DOK7: variants seen among roughly 807,000 people sequenced by gnomAD.
The protein encoded by DOK7 is docking protein 7.
Under a neutral mutation model 30.7 loss-of-function variants are expected in DOK7, and 32 were observed. The ratio of observed to expected loss-of-function variants is 1.04; its 90% CI spans 0.79 to 1.40. DOK7 has a LOEUF of 1.40. Ranked by LOEUF, DOK7 falls within the 40% of genes most tolerant of loss-of-function variation. The pLI, the probability that DOK7 is intolerant of heterozygous loss-of-function variation, is 0.00. For missense variants in DOK7, 1,007 were observed against 699.2 expected (o/e 1.44, Z -4.97); for synonymous variants, 447 against 324.1 (o/e 1.38, Z -4.07).
rs1216144763 is a variant in DOK7, at chr4:3,490,068, CCATTCCTTTCTTCACCCCCTCATT to C, written c.772+292_772+315del. On this transcript the variant is annotated intron_variant, in intron 6 of 6. Coordinates refer to ENST00000340083, the MANE Select transcript of DOK7 (RefSeq NM_173660.5). ...CCTACTCATTAATTCCTTCCTCCCC[CCATTCCTTTCTTCACCCCCTCATT>C]CATTCCTTTCTTCACCCCCATTCAT... 4.4e-4 allele frequency among the ~76,000 whole-genome samples: 30 copies of C among 67,540 alleles called. 1 individual carries two copies. The highest frequency in any genetic ancestry group is 1.3e-3 in the Admixed American group (8 of 6,100). The allele number at this position is 67,540 out of a possible 152,430, so 44.3% of individuals were successfully genotyped here.
At chr4:3,487,404 C>A (rs1281074196) in intron 5 of DOK7, among the ~76,000 whole-genome samples, 2 of 152,222 alleles carry the variant, frequency 1.3e-5, no homozygotes, top group South Asian at 4.1e-4. Flanking sequence ...CGGGCGGCAT[C>A]CTCAAGCTCT....
downstream of DOK7, among the ~76,000 whole-genome samples, chr4:3,494,684 G>A (rs1161624501): frequency 5.3e-5 from 8 of 152,062 alleles, no homozygotes; most frequent in Admixed American, 5.2e-4. Context: ...CCCCCGGGCT[G>A]GGATGTGCAT....
intron 5 of DOK7, among the ~76,000 whole-genome samples, chr4:3,486,281 G>A (rs927765034): frequency 6.6e-6 from 1 of 152,244 alleles, no homozygotes. Flanking sequence ...TGGGCACGGT[G>A]GGGCTCCCCA....
At position 3,473,626 on chromosome 4, in the gene DOK7, G is replaced by A. The variant is rs769702844; in HGVS notation, c.321G>A (p.Ala107=). The part of the protein sequence containing the change: ...MCAWDARIRY[A]LGEVHRFHVT... ...CGTGGGATGCCCGGATCCGCTATGCGCTCGGCGAGGGTGAGTGACGGGGGC... is the reference window on the plus strand; with the variant it reads ...CGTGGGATGCCCGGATCCGCTATGCACTCGGCGAGGGTGAGTGACGGGGGC... The change falls in exon 3 of 7, where the codon GCG becomes GCA. Residue 107 remains alanine (A), a synonymous_variant. Transcript: ENST00000340083. The A allele has an allele frequency of 3.6e-5, 57 of 1,572,700 alleles. No homozygotes were observed. Among genetic ancestry groups the A allele is most frequent in the Non-Finnish European group, 4.2e-5 (49 of 1,155,960 alleles).
chr4:3,489,792 T>G lies in DOK7; in HGVS notation c.768T>G (p.Ser256Arg). 6.4e-7 allele frequency: 1 copy of G among 1,573,784 alleles called. No homozygotes were observed. Among genetic ancestry groups the G allele is most frequent in the Non-Finnish European group, 8.6e-7 (1 of 1,159,334 alleles). Residue 256 changes from serine (S) to arginine (R), a missense_variant, in exon 6 of 7, where the codon AGT becomes AGG. Physicochemically the swap from Ser to Arg is moderately radical, Grantham distance 110. Coordinates refer to ENST00000340083, the MANE Select transcript of DOK7 (RefSeq NM_173660.5). ...SLLSHAGRPG[S>R]GGDDRSLSSS... ...TCTCACATGCGGGCAGGCCGGGCAG[T>G]GGAGGTAGGGCCGGGGGCTGACCTG...
At chr4:3,500,576 G>T (rs2071700) in intron 7 of DOK7, 4 of 1,507,040 alleles carry the variant, frequency 2.7e-6, no homozygotes, top group South Asian at 1.2e-5. Context: ...CATCCCCTGA[G>T]GGTGTCCCCA....
At chr4:3,500,758 T>C (rs2109446945) in exon 8 of DOK7, 2 of 1,528,332 alleles carry the variant, frequency 1.3e-6, no homozygotes, top group Non-Finnish European at 1.7e-6. Flanking sequence ...AGAGTGGGGG[T>C]GCGGCACGCA....
At chr4:3,491,478 T>C (rs1193729168) in intron 6 of DOK7, among the ~76,000 whole-genome samples, 2 of 148,782 alleles carry the variant, frequency 1.3e-5, no homozygotes, top group Non-Finnish European at 3.0e-5. Flanking sequence ...CTCTCACTCA[T>C]TCATTCTTTC....
chr4:3,472,049 CTG>C (rs1726794533), intron 2 of DOK7, among the ~76,000 whole-genome samples: 1 of 152,276 alleles, frequency 6.6e-6, no homozygotes, highest in South Asian at 2.1e-4. Flanking sequence ...GCCGCAGAGC[CTG>C]TGTGGCCCTG....
rs1166266631 is a variant in DOK7, at chr4:3,494,461, G to GAAAT, written c.*964_*967dup. On this transcript the variant is annotated 3_prime_UTR_variant, in exon 7 of 7. Coordinates refer to ENST00000340083, the MANE Select transcript of DOK7 (RefSeq NM_173660.5). ...CCCAGACACTGTTTGTAATAGACTG[G>GAAAT]AAATAAAATGTTCTTTCCTTACCAC... 2 of 985,366 alleles carry GAAAT rather than the reference G, an allele frequency of 2.0e-6. No individual in the cohort carries two copies. The highest frequency in any genetic ancestry group is 3.5e-5 in the African/African-American group (2 of 57,246). 61.0% of individuals were successfully genotyped at this position (985,366 alleles called of 1,614,324 possible). A position where few individuals can be genotyped will look rare whatever the true frequency, so the allele number is the denominator to read the frequency against.
At chr4:3,472,916 A>G (rs1004875272) in intron 2 of DOK7, among the ~76,000 whole-genome samples, 1 of 151,964 alleles carries the variant, frequency 6.6e-6, no homozygotes, top group African/African-American at 2.4e-5. Flanking sequence ...AACTAAAGGA[A>G]CCAGGAGGGG....
Position 3,476,432 on chromosome 4 carries a change from C to T in DOK7, c.422C>T (p.Ala141Val). 1 of 1,613,642 alleles carries T rather than the reference C, an allele frequency of 6.2e-7. No homozygotes were observed. ...LHLCNDVLVLARDIPPAVTGQ... is the reference protein window; with the variant it reads ...LHLCNDVLVLVRDIPPAVTGQ... ...CTCTGCAATGATGTCCTCGTCTTGG[C>T]CAGGGACATCCCCCCGGCTGTCACG... Residue 141 changes from alanine (A) to valine (V), a missense_variant, in exon 4 of 7, where the codon GCC becomes GTC. Transcript: ENST00000340083.
rs1484601097 is a variant in DOK7, at chr4:3,492,933, G to A, written c.947G>A (p.Arg316Lys). 1.3e-6 allele frequency: 2 copies of A among 1,558,568 alleles called. No individual in the cohort carries two copies. The highest frequency in any genetic ancestry group is 2.7e-5 in the African/African-American group (2 of 73,622). Residue 316 changes from arginine to lysine, a missense_variant, in exon 7 of 7, where the codon AGG (arginine) becomes AAG (lysine). Arg to Lys is a conservative substitution (Grantham distance 26). Coordinates refer to ENST00000340083, the MANE Select transcript of DOK7 (RefSeq NM_173660.5). ...AAGEAMVGAS[R>K]PPPKPLRPRQ... The stretch of plus-strand genomic sequence containing the variant: ...GGGGAAGCCATGGTGGGTGCCTCAA[G>A]GCCACCCCCCAAGCCGCTGCGTCCG...
At chr4:3,486,031 C>T (rs1028674404) in intron 5 of DOK7, among the ~76,000 whole-genome samples, 18 of 152,260 alleles carry the variant, frequency 1.2e-4, no homozygotes, top group Non-Finnish European at 2.9e-5. Context: ...CTTGCCCGAG[C>T]TCGGTGGCCC....
rs974409137 is a variant in DOK7, at chr4:3,494,040, G to A, written c.*539G>A. The stretch of plus-strand genomic sequence containing the variant: ...TGGGCCTCATCCCCATCTATGGGAG[G>A]AAACTGAAGCTCAGGAGGCTGTGTG... On this transcript the variant is annotated 3_prime_UTR_variant, in exon 7 of 7. Coordinates refer to ENST00000340083, the MANE Select transcript of DOK7 (RefSeq NM_173660.5). 2 of 988,344 alleles carry A rather than the reference G, an allele frequency of 2.0e-6. No homozygotes were observed. Among genetic ancestry groups the A allele is most frequent in the South Asian group, 9.4e-5 (2 of 21,376 alleles). The allele number at this position is 988,344 out of a possible 1,614,324, so 61.2% of individuals were successfully genotyped here. A position where few individuals can be genotyped will look rare whatever the true frequency, so the allele number is the denominator to read the frequency against.
At chr4:3,468,520 G>A (rs1409399184) in intron 2 of DOK7, among the ~76,000 whole-genome samples, 27 of 107,542 alleles carry the variant, frequency 2.5e-4, no homozygotes, top group African/African-American at 1.2e-3. Flanking sequence ...GCGTGTATGA[G>A]TGTGTGTGAC....
Position 3,493,933 on chromosome 4 carries a change from C to T in DOK7, c.*432C>T. ...CCATCACCTCTCTGGGGCAGTCACA[C>T]CACCTGTTAAGCATCAAGCTACCAC... On this transcript the variant is annotated 3_prime_UTR_variant, in exon 7 of 7. Transcript: ENST00000340083. 1 of 1,022,518 alleles carries T rather than the reference C, an allele frequency of 9.8e-7. No homozygotes were observed. Among genetic ancestry groups the T allele is most frequent in the Non-Finnish European group, 1.2e-6 (1 of 855,232 alleles). 63.3% of individuals were successfully genotyped at this position (1,022,518 alleles called of 1,614,324 possible). A position where few individuals can be genotyped will look rare whatever the true frequency, so the allele number is the denominator to read the frequency against.
intron 2 of DOK7, among the ~76,000 whole-genome samples, chr4:3,468,950 T>G (rs974572471): frequency 1.2e-4 from 17 of 146,982 alleles, no homozygotes; most frequent in Non-Finnish European, 2.2e-4. Context: ...TGTGCACGTG[T>G]GAGTGTGGTG....
At position 3,492,904 on chromosome 4, in the gene DOK7, C is replaced by G. The variant is rs141947707; in HGVS notation, c.918C>G (p.Ala306=). ...GGCCTAGACCAGCAGCTGCCCAGGC[C>G]GCCGGGGAAGCCATGGTGGGTGCCT... ...QEGPRPAAAQ[A]AGEAMVGASR... Residue 306 remains alanine (A), a synonymous_variant, in exon 7 of 7, where the codon GCC becomes GCG. Transcript: ENST00000340083. The G allele has an allele frequency of 5.9e-5, 93 of 1,578,164 alleles. No homozygotes were observed. Among genetic ancestry groups the G allele is most frequent in the Non-Finnish European group, 7.6e-5 (88 of 1,165,070 alleles).
Sources: allele counts gnomAD v4.1 joint callset (sites outside exome capture counted in the v4.1 genomes callset), GRCh38; gene constraint gnomAD v4.1.1; transcripts MANE v1.5; gene names NCBI Gene and HGNC (gene_info 2026-07-23, HGNC 2026-07-21).